Variants in RBFOX1 observed in about 807,000 individuals in gnomAD.
The protein encoded by RBFOX1 is RNA binding protein fox-1 homolog 1.
A neutral mutation model predicts 57.7 loss-of-function variants in RBFOX1; 8 were observed. The observed-to-expected ratio is 0.14, with a 90% CI of 0.08 to 0.25. RBFOX1 has a LOEUF of 0.25. Ranked by LOEUF, RBFOX1 falls within the 10% of genes least tolerant of loss-of-function variation. The pLI is 1.00. For missense variants in RBFOX1, 611 were observed against 548.5 expected (o/e 1.11, Z -1.14); for synonymous variants, 326 against 222.4 (o/e 1.47, Z -4.15).
chr16:5,701,576 C>T (rs1434279432), intron 3 of RBFOX1, among the ~76,000 whole-genome samples: 2 of 152,114 alleles, frequency 1.3e-5, no homozygotes, highest in Non-Finnish European at 1.5e-5. Context: ...ACTCCAGGCA[C>T]ACTGTACCAC....
intron 2 of RBFOX1, among the ~76,000 whole-genome samples, chr16:6,487,144 CTGTGTGTGTGTGTGTGTGTG>C (rs60180975): frequency 2.9e-5 from 4 of 140,116 alleles, no homozygotes; most frequent in Non-Finnish European, 6.1e-5. Flanking sequence ...TGTGGGGTTT[CTGTGTGTGTGTGTGTGTGTG>C]TGTGTGTGTG....
intron 1 of RBFOX1, among the ~76,000 whole-genome samples, chr16:5,401,543 T>A (rs1459572649): frequency 6.6e-6 from 1 of 152,196 alleles, no homozygotes; most frequent in Non-Finnish European, 1.5e-5. Context: ...TGTTTCTTAA[T>A]GCAGGGGATT....
chr16:6,721,218 G>T (rs2065928161), intron 3 of RBFOX1, among the ~76,000 whole-genome samples: 1 of 152,184 alleles, frequency 6.6e-6, no homozygotes, highest in Non-Finnish European at 1.5e-5. Context: ...CAAGGCAGGT[G>T]GATCACCTGA....
At chr16:6,135,365 A>G (rs2096658858) in intron 1 of RBFOX1, among the ~76,000 whole-genome samples, 1 of 152,194 alleles carries the variant, frequency 6.6e-6, no homozygotes, top group African/African-American at 2.4e-5. Flanking sequence ...TGAGATGACA[A>G]GGTACCATAG....
intron 2 of RBFOX1, among the ~76,000 whole-genome samples, chr16:6,384,060 CTTT>C (rs5815305): frequency 0.012 from 1,528 of 126,632 alleles, 26 homozygotes; most frequent in African/African-American, 0.041. Context: ...ATTGGTTTTG[CTTT>C]TTTTTTTTTT....
intron 1 of RBFOX1, among the ~76,000 whole-genome samples, chr16:6,137,478 G>A (rs1405821349): frequency 6.6e-6 from 1 of 151,868 alleles, no homozygotes; most frequent in African/African-American, 2.4e-5. Flanking sequence ...GTAATTTTTT[G>A]TGTTTTTAGT....
intron 1 of RBFOX1, among the ~76,000 whole-genome samples, chr16:5,273,056 G>C (rs571720828): frequency 1.3e-5 from 2 of 152,232 alleles, no homozygotes; most frequent in South Asian, 4.2e-4. Flanking sequence ...TACTGCCACC[G>C]GGGAGAAATG....
intron 1 of RBFOX1, among the ~76,000 whole-genome samples, chr16:6,248,377 A>T (rs1378185872): frequency 6.6e-6 from 1 of 152,160 alleles, no homozygotes; most frequent in African/African-American, 2.4e-5. Context: ...TCTCCCGGTG[A>T]TGTATATACT....
intron 2 of RBFOX1, among the ~76,000 whole-genome samples, chr16:5,488,472 G>C (rs111173939): frequency 6.6e-6 from 1 of 150,494 alleles, no homozygotes; most frequent in South Asian, 2.1e-4. Flanking sequence ...GGTGTGGTGG[G>C]GTGTGATGGT....
intron 1 of RBFOX1, among the ~76,000 whole-genome samples, chr16:6,045,849 C>T (rs1235124714): frequency 6.6e-6 from 1 of 152,188 alleles, no homozygotes; most frequent in African/African-American, 2.4e-5. Context: ...AAGACACACA[C>T]ACATACACAA....
intron 3 of RBFOX1, among the ~76,000 whole-genome samples, chr16:6,688,894 T>G (rs1348125976): frequency 6.6e-6 from 1 of 152,182 alleles, no homozygotes; most frequent in Non-Finnish European, 1.5e-5. Flanking sequence ...AGTACTTGGT[T>G]TTCTGTTCCT....
intron 1 of RBFOX1, among the ~76,000 whole-genome samples, chr16:6,083,737 A>G (rs1240533738): frequency 6.6e-6 from 1 of 152,062 alleles, no homozygotes; most frequent in East Asian, 1.9e-4. Flanking sequence ...TTGGCCTCCC[A>G]AAGTGCTGAG....
At chr16:6,967,539 C>A (rs1047876008) in intron 3 of RBFOX1, among the ~76,000 whole-genome samples, 1 of 152,122 alleles carries the variant, frequency 6.6e-6, no homozygotes, top group Non-Finnish European at 1.5e-5. Flanking sequence ...GCTGAATAGA[C>A]TGACTTGCTT....
intron 3 of RBFOX1, among the ~76,000 whole-genome samples, chr16:6,902,385 A>G (rs2068707222): frequency 6.6e-6 from 1 of 152,202 alleles, no homozygotes; most frequent in African/African-American, 2.4e-5. Context: ...ATCTGGAGCT[A>G]TCAAGAGGAA....
chr16:7,128,426 G>C (rs73542972), intron 4 of RBFOX1, among the ~76,000 whole-genome samples: 4,381 of 152,246 alleles, frequency 0.029, 208 homozygotes, highest in African/African-American at 0.1. Flanking sequence ...CTGATAAATT[G>C]GCAAACCAAG....
At chr16:6,351,728 G>A (rs1362429612) in intron 2 of RBFOX1, among the ~76,000 whole-genome samples, 1 of 152,128 alleles carries the variant, frequency 6.6e-6, no homozygotes, top group Non-Finnish European at 1.5e-5. Flanking sequence ...GTAATTATAT[G>A]TATGCATACA....
At chr16:6,061,586 A>T (rs1257590965) in intron 1 of RBFOX1, among the ~76,000 whole-genome samples, 1 of 151,704 alleles carries the variant, frequency 6.6e-6, no homozygotes, top group Non-Finnish European at 1.5e-5. Context: ...TATATGTGCT[A>T]TATTTACTAT....
chr16:6,197,776 C>G (rs766423305), intron 1 of RBFOX1, among the ~76,000 whole-genome samples: 2 of 151,486 alleles, frequency 1.3e-5, no homozygotes, highest in Non-Finnish European at 2.9e-5. Flanking sequence ...TTATTTTTTT[C>G]TGCTCCTCTC....
At chr16:6,419,677 A>C (rs2093721458) in intron 2 of RBFOX1, among the ~76,000 whole-genome samples, 1 of 152,146 alleles carries the variant, frequency 6.6e-6, no homozygotes, top group Non-Finnish European at 1.5e-5. Flanking sequence ...GGATACCTAC[A>C]GGCATCCCAC....
Sources: allele counts gnomAD v4.1 joint callset (sites outside exome capture counted in the v4.1 genomes callset), GRCh38; gene constraint gnomAD v4.1.1; transcripts MANE v1.5; gene names NCBI Gene and HGNC (gene_info 2026-07-23, HGNC 2026-07-21).